The following MAPK10 variants were observed in gnomAD, a reference collection of about 807,000 sequenced individuals.
MAPK10 encodes mitogen-activated protein kinase 10.
In MAPK10, 25 loss-of-function variants were observed where a neutral mutation model predicts 59.3. The ratio of observed to expected loss-of-function variants is 0.42; its 90% CI spans 0.31 to 0.59. The LOEUF (loss-of-function observed/expected upper bound fraction) is 0.59. MAPK10 is among the 20% of genes least tolerant of loss of function. MAPK10 has a pLI of 0.15. For missense variants in MAPK10, 351 were observed against 568.9 expected (o/e 0.62, Z 3.90); for synonymous variants, 190 against 200.5 (o/e 0.95, Z 0.44).
chr4:86,128,828 T>C (rs575401557), intron 4 of MAPK10, among the ~76,000 whole-genome samples: 38 of 152,204 alleles, frequency 2.5e-4, no homozygotes, highest in Admixed American at 5.9e-4. Context: ...TGACAACTAT[T>C]AATTTTCCCT....
chr4:86,055,518 C>A (rs932914807), intron 11 of MAPK10, among the ~76,000 whole-genome samples: 1 of 149,464 alleles, frequency 6.7e-6, no homozygotes. Context: ...AAGTAATAAG[C>A]ATGTTTCAAA....
intron 1 of MAPK10, among the ~76,000 whole-genome samples, chr4:86,466,673 T>A (rs1752235633): frequency 6.6e-6 from 1 of 152,124 alleles, no homozygotes; most frequent in Non-Finnish European, 1.5e-5. Context: ...TCACAGAACA[T>A]GTAGGAGAAT....
chr4:86,186,994 A>G (rs776663953), intron 3 of MAPK10, among the ~76,000 whole-genome samples: 2 of 152,126 alleles, frequency 1.3e-5, no homozygotes, highest in Admixed American at 6.6e-5. Flanking sequence ...TTTTACTATT[A>G]TAAGTACTGG....
intron 1 of MAPK10, among the ~76,000 whole-genome samples, chr4:86,416,440 G>A (rs1745873415): frequency 6.6e-6 from 1 of 152,248 alleles, no homozygotes; most frequent in Admixed American, 6.5e-5. Flanking sequence ...GGCCTGGGAT[G>A]AGGTAAATCC....
At chr4:86,243,204 C>G (rs567817717) in intron 2 of MAPK10, among the ~76,000 whole-genome samples, 1 of 152,240 alleles carries the variant, frequency 6.6e-6, no homozygotes, top group African/African-American at 2.4e-5. Flanking sequence ...ATGGGAGCCT[C>G]CCAACTCAGC....
intron 11 of MAPK10, among the ~76,000 whole-genome samples, chr4:86,050,773 C>T (rs1387691505): frequency 6.6e-6 from 1 of 152,058 alleles, no homozygotes; most frequent in Non-Finnish European, 1.5e-5. Flanking sequence ...ATGAGCAGGC[C>T]TACCTCAGAA....
chr4:86,537,831 T>C (rs1165970618), intron 1 of MAPK10, among the ~76,000 whole-genome samples: 1 of 152,222 alleles, frequency 6.6e-6, no homozygotes, highest in Non-Finnish European at 1.5e-5. Flanking sequence ...AATTTTAATA[T>C]GGTTGAATTT....
chr4:86,246,489 T>C (rs1263232135), intron 2 of MAPK10, among the ~76,000 whole-genome samples: 3 of 152,204 alleles, frequency 2.0e-5, no homozygotes, highest in Admixed American at 1.3e-4. Context: ...AAAACTTATA[T>C]AATGAACATT....
chr4:86,443,654 C>T (rs1749682431), intron 1 of MAPK10, among the ~76,000 whole-genome samples: 1 of 152,064 alleles, frequency 6.6e-6, no homozygotes, highest in South Asian at 2.1e-4. Flanking sequence ...CTTACCACCA[C>T]ATCAGTAAAG....
At position 86,162,579 on chromosome 4, in the gene MAPK10, C is replaced by T. The variant is rs74596600; in HGVS notation, c.67-3112G>A. On this transcript the variant is annotated intron_variant, in intron 3 of 13. Transcript: ENST00000641462. ...TTTACCAGGTATTTACGCATGTGAACGCTTCTCTTTATGGCCTTCCTCTGT... is the reference window on the plus strand; with the variant it reads ...TTTACCAGGTATTTACGCATGTGAATGCTTCTCTTTATGGCCTTCCTCTGT... Among the ~76,000 whole-genome samples, 447 of 152,058 alleles carry T rather than the reference C, an allele frequency of 2.9e-3. 4 individuals are homozygous for T. The highest frequency in any genetic ancestry group is 0.01 in the African/African-American group (432 of 41,506).
chr4:86,541,712 T>G (rs1345263712), intron 1 of MAPK10, among the ~76,000 whole-genome samples: 2 of 152,202 alleles, frequency 1.3e-5, no homozygotes, highest in African/African-American at 4.8e-5. Context: ...TACCCAGTAA[T>G]TATTCTCTAT....
chr4:86,181,498 T>C (rs2046946158), intron 3 of MAPK10, among the ~76,000 whole-genome samples: 1 of 152,152 alleles, frequency 6.6e-6, no homozygotes, highest in African/African-American at 2.4e-5. Flanking sequence ...GTTAGGTAAA[T>C]ACTGATTTAT....
At chr4:86,538,821 A>G (rs1210174535) in intron 1 of MAPK10, among the ~76,000 whole-genome samples, 3 of 152,166 alleles carry the variant, frequency 2.0e-5, no homozygotes, top group Non-Finnish European at 2.9e-5. Context: ...TCTCATACTA[A>G]AACACCTTGA....
intron 2 of MAPK10, among the ~76,000 whole-genome samples, chr4:86,223,941 T>G (rs896262984): frequency 6.6e-6 from 1 of 152,034 alleles, no homozygotes; most frequent in Non-Finnish European, 1.5e-5. Flanking sequence ...TTGTGGCATG[T>G]GTGGCATCAT....
In MAPK10 at chr4:86,089,447, T is replaced by G; in HGVS notation, c.802+9077A>C. The G allele has an allele frequency of 5.5e-6, 3 of 548,700 alleles. No homozygotes were observed. In the South Asian group the frequency reaches 8.2e-5, roughly 15 times the overall value. 34.0% of individuals were successfully genotyped at this position (548,700 alleles called of 1,614,324 possible). The stretch of plus-strand genomic sequence containing the variant: ...TTTAAATGGTGGAAAGGGGAGAACA[T>G]AGGCTCTCAAGGCCCTTTTCTGTCA... On this transcript the variant is annotated intron_variant, in intron 9 of 13. Coordinates refer to ENST00000641462, the MANE Select transcript of MAPK10 (RefSeq NM_138982.4).
chr4:86,263,190 C>T (rs2094083692), intron 2 of MAPK10, among the ~76,000 whole-genome samples: 1 of 152,082 alleles, frequency 6.6e-6, no homozygotes, highest in Non-Finnish European at 1.5e-5. Flanking sequence ...TCACATTGTC[C>T]CTTGTTACTT....
At chr4:86,277,527 G>C (rs545288915) in intron 2 of MAPK10, among the ~76,000 whole-genome samples, 12 of 152,198 alleles carry the variant, frequency 7.9e-5, no homozygotes, top group Admixed American at 6.5e-4. Flanking sequence ...GCTTAAATTT[G>C]ATGCTTGGAT....
chr4:86,507,270 T>C (rs1027394623), intron 1 of MAPK10, among the ~76,000 whole-genome samples: 3 of 151,704 alleles, frequency 2.0e-5, no homozygotes, highest in Non-Finnish European at 2.9e-5. Context: ...ACCAGGGAAA[T>C]AAAAGTAAAA....
intron 2 of MAPK10, among the ~76,000 whole-genome samples, chr4:86,295,705 A>C (rs1412579251): frequency 1.3e-5 from 2 of 148,452 alleles, no homozygotes; most frequent in African/African-American, 4.9e-5. Context: ...TTCTAGTTTC[A>C]TATATGTCTT....
Sources: allele counts gnomAD v4.1 joint callset (sites outside exome capture counted in the v4.1 genomes callset), GRCh38; gene constraint gnomAD v4.1.1; transcripts MANE v1.5; gene names NCBI Gene and HGNC (gene_info 2026-07-23, HGNC 2026-07-21).